Variants in MYB observed in about 807,000 individuals in gnomAD.
MYB encodes the protein transcriptional activator Myb.
A neutral mutation model predicts 92.9 loss-of-function variants in MYB; 28 were observed. The observed-to-expected ratio is 0.30, with a 90% CI of 0.22 to 0.41. The LOEUF is 0.41. Ranked by LOEUF, MYB falls within the 10% of genes least tolerant of loss-of-function variation. MYB has a pLI of 1.00. For missense variants in MYB, 679 were observed against 929.3 expected (o/e 0.73, Z 3.50); for synonymous variants, 295 against 329.1 (o/e 0.90, Z 1.12).
rs1775095081 is a variant in MYB, at chr6:135,181,841, T to G, written c.23+305T>G. Among the ~76,000 whole-genome samples, 1 of 152,214 alleles carries G rather than the reference T, an allele frequency of 6.6e-6. No individual in the cohort carries two copies. The highest frequency in any genetic ancestry group is 3.2e-3 in the Middle Eastern group (1 of 316). On this transcript the variant is annotated intron_variant, in intron 1 of 15. Transcript: ENST00000341911. The surrounding 1 kb of genome is among the most constrained non-coding windows in gnomAD (Gnocchi z 5.3). ...CACGTTCCAGCCGAGGGCAGAGCGG[T>G]GCCCACCAGCCCCGGGGAGCCCACC...
intron 1 of MYB, among the ~76,000 whole-genome samples, chr6:135,183,207 G>T (rs1049076700): frequency 2.0e-5 from 3 of 151,996 alleles, no homozygotes; most frequent in Non-Finnish European, 4.4e-5. Context: ...CCTTGAACCT[G>T]CCTCAGGGGA....
chr6:135,212,783 A>C (rs1192034414), intron 15 of MYB, among the ~76,000 whole-genome samples: 2 of 152,218 alleles, frequency 1.3e-5, no homozygotes, highest in Admixed American at 6.5e-5. Flanking sequence ...ATGAAACTAA[A>C]GTTTAGGGAG....
intron 2 of MYB, among the ~76,000 whole-genome samples, chr6:135,186,297 C>T (rs1775905717): frequency 1.3e-5 from 2 of 152,136 alleles, no homozygotes; most frequent in Admixed American, 1.3e-4. Flanking sequence ...CCTCTTCTTC[C>T]TACTTTTACA....
rs559562958 is a variant in MYB, at chr6:135,203,402, G to A, written c.2169+78G>A. 10 of 1,183,214 alleles carry A rather than the reference G, an allele frequency of 8.5e-6. No individual in the cohort carries two copies. In the Admixed American group the frequency reaches 1.3e-4, roughly 15 times the overall value. The allele number at this position is 1,183,214 out of a possible 1,614,324, so 73.3% of individuals were successfully genotyped here. Reference sequence around the variant, plus strand: ...CATCTTTGGTGGTGGTGGTGGTGGTGGTGATGGTAGTGCTGGTGGTCTGTT... The same window carrying A: ...CATCTTTGGTGGTGGTGGTGGTGGTAGTGATGGTAGTGCTGGTGGTCTGTT... On this transcript the variant is annotated intron_variant, in intron 15 of 15. Transcript: ENST00000341911.
intron 7 of MYB, 86 bp downstream of exon 7, chr6:135,194,004 C>A: frequency 9.3e-7 from 1 of 1,078,972 alleles, no homozygotes; most frequent in Admixed American, 1.8e-5. Context: ...TTTACCTGAG[C>A]AACTAAAGTA....
chr6:135,200,020 C>A, intron 11 of MYB, 65 bp from the exon 12 acceptor site: 1 of 1,222,160 alleles, frequency 8.2e-7, no homozygotes, highest in South Asian at 1.2e-5. Context: ...TTAAATGTAA[C>A]AGGTAAAGCC....
rs1780700284 is a variant in MYB at position 135,218,166 on chromosome 6, AT to A, written c.*191del. 1 of 526,146 alleles carries A rather than the reference AT, an allele frequency of 1.9e-6. No homozygotes were observed. The highest frequency in any genetic ancestry group is 3.8e-5 in the Admixed American group (1 of 26,554). The allele number at this position is 526,146 out of a possible 1,614,324, so 32.6% of individuals were successfully genotyped here. ...TCTTGGATTTCACCCAACTAAAAGG[AT>A]TTTTAAAAATAAATAACAGTCTTAC... On this transcript the variant is annotated 3_prime_UTR_variant, in exon 16 of 16. Transcript: ENST00000341911.
chr6:135,203,092 A>G, intron 14 of MYB, 125 bp from the exon 15 acceptor site: 1 of 748,344 alleles, frequency 1.3e-6, no homozygotes, highest in South Asian at 1.5e-5. Flanking sequence ...TTTCTGGCAG[A>G]TGACTGCATT....
chr6:135,200,878 A>G (rs1293814597), intron 13 of MYB, among the ~76,000 whole-genome samples: 1 of 152,158 alleles, frequency 6.6e-6, no homozygotes. Context: ...GGAGTTCGAG[A>G]TCATCCTGGC....
chr6:135,215,085 G>C (rs1046334108), intron 15 of MYB, among the ~76,000 whole-genome samples: 1 of 152,164 alleles, frequency 6.6e-6, no homozygotes, highest in African/African-American at 2.4e-5. Flanking sequence ...TCTATTCATA[G>C]ACAGTGCTGT....
Position 135,218,123 on chromosome 6 carries a change from T to G in MYB, c.*143T>G, listed in dbSNP as rs938908809. 1.6e-6 allele frequency: 1 copy of G among 615,468 alleles called. No homozygotes were observed. 38.1% of individuals were successfully genotyped at this position (615,468 alleles called of 1,614,324 possible). ...ACAGTTGAGAGCAGCACCAAGTGCA[T>G]TTAGTTGAATGAAGTCTTCTTGGAT... On this transcript the variant is annotated 3_prime_UTR_variant, in exon 16 of 16. Coordinates refer to ENST00000341911, the MANE Select transcript of MYB (RefSeq NM_001130173.2).
chr6:135,197,420 C>T (rs56370515), intron 10 of MYB, 97 bp downstream of exon 10: 162 of 1,123,678 alleles, frequency 1.4e-4, no homozygotes, highest in Non-Finnish European at 2.0e-4. Flanking sequence ...TGACTAATTA[C>T]TGCTGCCTTT....
intron 8 of MYB, 43 bp downstream of exon 8, chr6:135,194,503 T>C: frequency 7.1e-7 from 1 of 1,409,416 alleles, no homozygotes; most frequent in Non-Finnish European, 1.0e-6. Flanking sequence ...ATAGCAGCTT[T>C]GCCTCAGTTT....
At chr6:135,209,839 G>C (rs1246501261) in intron 15 of MYB, among the ~76,000 whole-genome samples, 1 of 152,146 alleles carries the variant, frequency 6.6e-6, no homozygotes, top group Admixed American at 6.5e-5. Context: ...GAATATATGA[G>C]ATTTTCATGT....
In MYB at chr6:135,196,040, A is replaced by G. The variant is rs1325449478; in HGVS notation, c.1203+38A>G. 3.1e-6 allele frequency: 5 copies of G among 1,590,180 alleles called. 1 individual carries two copies. The highest frequency in any genetic ancestry group is 4.3e-6 in the Non-Finnish European group (5 of 1,163,996). ...GTGAAGGGAAGTTAACGATTCTGGA[A>G]GATAAATTAGAAAACCCATTTCTTA... On this transcript the variant is annotated intron_variant, in intron 9 of 15. Transcript: ENST00000341911.
rs1777883694 is a variant in MYB at position 135,200,309 on chromosome 6, T to C, written c.1844T>C (p.Leu615Pro). Residue 615 changes from leucine to proline, a missense_variant, in exon 13 of 16, where the codon CTA (leucine) becomes CCA (proline). Coordinates refer to ENST00000341911, the MANE Select transcript of MYB (RefSeq NM_001130173.2). ...GTTTAGCCTCAGACACCCTCTCATC[T>C]AGTAGAAGATCTGCAGGATGTGATC... is the stretch of plus-strand genomic sequence containing the variant. ...LKMLPQTPSH[L>P]VEDLQDVIKQ... The C allele has an allele frequency of 6.2e-7, 1 of 1,614,034 alleles. No individual in the cohort carries two copies. Among genetic ancestry groups the C allele is most frequent in the Admixed American group, 1.7e-5 (1 of 60,004 alleles).
chr6:135,207,796 G>T (rs1196284131), intron 15 of MYB, among the ~76,000 whole-genome samples: 4 of 145,984 alleles, frequency 2.7e-5, no homozygotes, highest in East Asian at 4.1e-4. Flanking sequence ...GTGCAGTGAC[G>T]CAATCTCAGC....
intron 11 of MYB, 69 bp downstream of exon 11, chr6:135,199,119 C>T (rs941549178): frequency 4.0e-5 from 51 of 1,266,770 alleles, no homozygotes; most frequent in Non-Finnish European, 5.1e-5. Flanking sequence ...GAATATAGTT[C>T]CCAGATGTCT....
Position 135,197,148 on chromosome 6 carries a change from C to T in MYB, c.1391C>T (p.Pro464Leu). 6.2e-7 allele frequency: 1 copy of T among 1,613,980 alleles called. No individual in the cohort carries two copies. Among genetic ancestry groups the T allele is most frequent in the Non-Finnish European group, 8.5e-7 (1 of 1,179,882 alleles). The change falls in exon 10 of 16, where the codon CCC becomes CTC. Residue 464 changes from proline to leucine, a missense_variant. Physicochemically the swap from Pro to Leu is moderately conservative, Grantham distance 98 (BLOSUM62 -3). Transcript: ENST00000341911. ...RMLSESSLDP[P>L]KVLPPARHST... ...TTGAGTGAGAGTTCACTTGACCCAC[C>T]CAAGGTCTTACCTCCTGCAAGGCAC... is the stretch of plus-strand genomic sequence containing the variant.
Sources: allele counts gnomAD v4.1 joint callset (sites outside exome capture counted in the v4.1 genomes callset), GRCh38; gene constraint gnomAD v4.1.1; non-coding constraint Gnocchi (gnomAD v3.1); transcripts MANE v1.5; gene names NCBI Gene and HGNC (gene_info 2026-07-23, HGNC 2026-07-21).